SUN3: variants seen among roughly 807,000 people sequenced by gnomAD.
SUN3 encodes the protein SUN domain-containing protein 3.
In SUN3, 36 loss-of-function variants were observed where a neutral mutation model predicts 48.2. The ratio of observed to expected loss-of-function variants is 0.75; its 90% CI spans 0.57 to 0.99. The LOEUF is 0.99. Among genes scored for constraint, SUN3 ranks in the 50% least tolerant of loss-of-function variants. The pLI is 0.00. For missense variants in SUN3, 419 were observed against 433.1 expected, an observed-to-expected ratio of 0.97 and a Z score of 0.29; for synonymous variants, 148 against 147.9, an observed-to-expected ratio of 1.00 and a Z score of 0.00.
At chr7:48,026,579 C>T (rs1030290800) in intron 1 of SUN3, among the ~76,000 whole-genome samples, 1 of 121,542 alleles carries the variant, frequency 8.2e-6, no homozygotes, top group African/African-American at 3.4e-5. Flanking sequence ...ACCCCACCCC[C>T]CAACACACAC....
intron 2 of SUN3, among the ~76,000 whole-genome samples, chr7:48,024,394 G>A (rs1047932764): frequency 3.4e-4 from 52 of 151,662 alleles, no homozygotes; most frequent in African/African-American, 1.0e-3. Flanking sequence ...ACATACAAAC[G>A]GTCAATAAGC....
intron 8 of SUN3, among the ~76,000 whole-genome samples, chr7:47,992,204 G>A (rs890352774): frequency 1.3e-5 from 2 of 152,128 alleles, no homozygotes; most frequent in African/African-American, 4.8e-5. Flanking sequence ...GCTTTGCACC[G>A]CCTAGCAATT....
At chr7:48,001,522 G>GTTTTTTTTTTTTTTTTTTT (rs1286421253) in intron 6 of SUN3, among the ~76,000 whole-genome samples, 3 of 121,888 alleles carry the variant, frequency 2.5e-5, no homozygotes, top group Non-Finnish European at 5.1e-5. Flanking sequence ...TGTCTTTTCT[G>GTTTTTTTTTTTTTTTTTTT]TTTTTTTTGT....
chr7:48,028,567 T>C (rs1790200005), intron 1 of SUN3, among the ~76,000 whole-genome samples: 1 of 144,488 alleles, frequency 6.9e-6, no homozygotes, highest in Non-Finnish European at 1.5e-5. Context: ...TTAAAGAGGG[T>C]GGCTCTCCTT....
In SUN3 at chr7:48,014,663, G is replaced by A. The variant is rs144798203; in HGVS notation, c.288+2599C>T. 5.3e-3 allele frequency among the ~76,000 whole-genome samples: 803 copies of A among 152,278 alleles called. 9 individuals carry two copies. The highest frequency in any genetic ancestry group is 0.018 in the African/African-American group (748 of 41,532). ...GCAGCAGAAGACTGTGGGCAAAGGG[G>A]CACCCAATATTCAGGCACTAACAGA... On this transcript the variant is annotated intron_variant, in intron 3 of 9. Transcript: ENST00000297325.
intron 6 of SUN3, among the ~76,000 whole-genome samples, chr7:47,999,546 C>A (rs1410430560): frequency 6.6e-6 from 1 of 150,820 alleles, no homozygotes; most frequent in East Asian, 1.9e-4. Context: ...TTTTTTATTT[C>A]TTTTGAAACT....
chr7:48,006,647 A>G (rs946095356), intron 5 of SUN3, among the ~76,000 whole-genome samples: 2 of 152,214 alleles, frequency 1.3e-5, no homozygotes, highest in Non-Finnish European at 2.9e-5. Flanking sequence ...CAAGGATGAA[A>G]TGGGGTCTGG....
At chr7:48,035,459 T>C in the SUN3 span, 1 of 693,424 alleles carries the variant, frequency 1.4e-6, no homozygotes, top group South Asian at 1.5e-5. This position sits in a 1 kb window ranked among gnomAD's most constrained non-coding sequence, Gnocchi z 4.0. Flanking sequence ...TGGCTGACAG[T>C]GCTCCAGCCG....
intron 2 of SUN3, among the ~76,000 whole-genome samples, chr7:48,025,322 T>A (rs1337864438): frequency 6.6e-6 from 1 of 152,160 alleles, no homozygotes; most frequent in Non-Finnish European, 1.5e-5. Flanking sequence ...TCACATGCTA[T>A]ATGATCTTTT....
At chr7:48,022,813 T>C (rs1283832730) in intron 2 of SUN3, among the ~76,000 whole-genome samples, 2 of 152,262 alleles carry the variant, frequency 1.3e-5, no homozygotes, top group Middle Eastern at 3.4e-3. Flanking sequence ...TTTGTTGGAT[T>C]ATCACCTGAT....
At chr7:48,035,544 G>T in the SUN3 span, 1 of 698,366 alleles carries the variant, frequency 1.4e-6, no homozygotes, top group South Asian at 1.5e-5. This position sits in a 1 kb window ranked among gnomAD's most constrained non-coding sequence, Gnocchi z 4.0. Context: ...TGGGAGTTTG[G>T]GTTTGGTTGG....
chr7:48,008,263 CAT>C (rs1443942431), intron 4 of SUN3, among the ~76,000 whole-genome samples: 1 of 152,084 alleles, frequency 6.6e-6, no homozygotes, highest in Non-Finnish European at 1.5e-5. Flanking sequence ...TAAATCAATA[CAT>C]GTTTGAATTC....
chr7:48,031,013 A>T (rs1466080590), upstream of SUN3, among the ~76,000 whole-genome samples: 1 of 152,238 alleles, frequency 6.6e-6, no homozygotes, highest in East Asian at 1.9e-4. Flanking sequence ...CTTAAACATA[A>T]GACCTCTAAC....
At chr7:48,021,827 G>A (rs755469644) in intron 2 of SUN3, among the ~76,000 whole-genome samples, 9 of 152,144 alleles carry the variant, frequency 5.9e-5, no homozygotes, top group Non-Finnish European at 4.4e-5. Flanking sequence ...TGGTGGGAAT[G>A]TAAATTAGTA....
chr7:48,028,188 G>T (rs927542491), intron 1 of SUN3, among the ~76,000 whole-genome samples: 6 of 151,908 alleles, frequency 3.9e-5, no homozygotes, highest in Admixed American at 3.9e-4. Context: ...GTGCTTCATT[G>T]TTACCAATAG....
chr7:48,023,074 A>T (rs1385437686), intron 2 of SUN3, among the ~76,000 whole-genome samples: 1 of 152,174 alleles, frequency 6.6e-6, no homozygotes, highest in African/African-American at 2.4e-5. Flanking sequence ...AGCAATCAAA[A>T]TCTCCAGTAA....
intron 2 of SUN3, among the ~76,000 whole-genome samples, chr7:48,019,105 G>C (rs898988956): frequency 7.9e-5 from 12 of 152,160 alleles, no homozygotes. Flanking sequence ...TTAACTTAAA[G>C]ATAGAGCTAT....
intron 2 of SUN3, among the ~76,000 whole-genome samples, chr7:48,021,581 C>T (rs1202823108): frequency 6.7e-6 from 1 of 149,814 alleles, no homozygotes; most frequent in Non-Finnish European, 1.5e-5. Context: ...AAAAACAAAC[C>T]TAAATAATCT....
intron 2 of SUN3, among the ~76,000 whole-genome samples, 200 bp downstream of exon 2, chr7:48,025,677 A>C (rs1790114512): frequency 6.6e-6 from 1 of 152,256 alleles, no homozygotes; most frequent in Admixed American, 6.5e-5. Context: ...TCTCCTTTCT[A>C]AATTTTCTAT....
Sources: allele counts gnomAD v4.1 joint callset (sites outside exome capture counted in the v4.1 genomes callset), GRCh38; gene constraint gnomAD v4.1.1; non-coding constraint Gnocchi (gnomAD v3.1); transcripts MANE v1.5; gene names NCBI Gene and HGNC (gene_info 2026-07-23, HGNC 2026-07-21).